The following CHRNA3 variants were observed in gnomAD, a reference collection of about 807,000 sequenced individuals.
CHRNA3 encodes neuronal acetylcholine receptor subunit alpha-3.
Under a neutral mutation model 41.9 loss-of-function variants are expected in CHRNA3, and 34 were observed. The ratio of observed to expected loss-of-function variants is 0.81; its 90% confidence interval spans 0.62 to 1.08. The LOEUF is 1.08. CHRNA3 is among the 50% of genes least tolerant of loss of function. CHRNA3 has a pLI of 0.00. For synonymous variants in CHRNA3, 281 were observed against 265.2 expected, an observed-to-expected ratio of 1.06 and a Z score of -0.58; for missense variants, 542 against 638.3, an observed-to-expected ratio of 0.85 and a Z score of 1.63.
chr15:78,620,519 T>A (rs1596087183), intron 1 of CHRNA3, among the ~76,000 whole-genome samples, 194 bp downstream of exon 1: 1 of 151,864 alleles, frequency 6.6e-6, no homozygotes, highest in African/African-American at 2.4e-5. Flanking sequence ...GGGTGGGAGG[T>A]GAGCCGAAAG....
At chr15:78,614,003 T>C (rs921433715) in intron 4 of CHRNA3, among the ~76,000 whole-genome samples, 5 of 151,962 alleles carry the variant, frequency 3.3e-5, no homozygotes, top group Non-Finnish European at 7.4e-5. Context: ...CCTGAGCAAT[T>C]GAAGTTCTAA....
intron 4 of CHRNA3, among the ~76,000 whole-genome samples, chr15:78,608,196 G>C (rs2053327206): frequency 6.6e-6 from 1 of 152,358 alleles, no homozygotes; most frequent in East Asian, 1.9e-4. Flanking sequence ...TTCCCTGTCT[G>C]ACAGCTTTGA....
chr15:78,606,960 G>A (rs1219970158), intron 4 of CHRNA3, among the ~76,000 whole-genome samples: 1 of 152,088 alleles, frequency 6.6e-6, no homozygotes, highest in Non-Finnish European at 1.5e-5. Context: ...GGGTGTGATG[G>A]CTCACACCTG....
At chr15:78,609,255 C>T (rs1281659466) in intron 4 of CHRNA3, among the ~76,000 whole-genome samples, 1 of 152,148 alleles carries the variant, frequency 6.6e-6, no homozygotes, top group African/African-American at 2.4e-5. Context: ...TCGAGAAGAG[C>T]AACTCCAAGA....
At position 78,601,397 on chromosome 15, in the gene CHRNA3, G is replaced by A; in HGVS notation, c.1245C>T (p.Phe415=). 6.2e-7 allele frequency: 1 copy of A among 1,614,206 alleles called. No homozygotes were observed. Among genetic ancestry groups the A allele is most frequent in the African/African-American group, 1.3e-5 (1 of 75,052 alleles). ...TAGAGCTTCTCGTGAGGTTAGCACT[G>A]AAATTGGAGATTTTTATCCTGCGGT... The part of the protein sequence containing the change: ...CHHRRIKISN[F]SANLTRSSSS... Residue 415 remains phenylalanine, a synonymous_variant, in exon 5 of 6, where the codon TTC becomes TTT. Transcript: ENST00000326828.
intron 4 of CHRNA3, among the ~76,000 whole-genome samples, chr15:78,616,035 C>G (rs1005110187): frequency 1.3e-5 from 2 of 149,568 alleles, no homozygotes; most frequent in Non-Finnish European, 3.0e-5. Flanking sequence ...AGCCACCATG[C>G]CTGGCCAAAC....
chr15:78,609,249 G>A (rs1246210870), intron 4 of CHRNA3, among the ~76,000 whole-genome samples: 1 of 152,100 alleles, frequency 6.6e-6, no homozygotes, highest in Non-Finnish European at 1.5e-5. Context: ...TACTCCTCGA[G>A]AAGAGCAACT....
intron 4 of CHRNA3, among the ~76,000 whole-genome samples, chr15:78,605,398 C>T (rs763720641): frequency 8.5e-5 from 13 of 152,088 alleles, no homozygotes; most frequent in Non-Finnish European, 1.6e-4. Context: ...GACCCACATG[C>T]GATTAGCTGC....
At chr15:78,595,278 T>C, downstream of CHRNA3, 2 of 984,812 alleles carry the variant, frequency 2.0e-6, no homozygotes, top group Non-Finnish European at 2.4e-6. Flanking sequence ...CATCTTTCTT[T>C]TGACTTATTG....
At chr15:78,596,865 T>C (rs1416472652) in intron 5 of CHRNA3, 133 bp from the exon 6 acceptor site, 3 of 1,307,430 alleles carry the variant, frequency 2.3e-6, no homozygotes, top group Non-Finnish European at 2.0e-6. Flanking sequence ...GCCCTTTTTT[T>C]CCTAATTGAT....
chr15:78,614,299 C>T (rs1237342228), intron 4 of CHRNA3, among the ~76,000 whole-genome samples: 2 of 152,158 alleles, frequency 1.3e-5, no homozygotes, highest in African/African-American at 4.8e-5. Context: ...CTGCCCAGTT[C>T]CCTTAAGAGC....
chr15:78,618,527 AGC>A lies in CHRNA3; in HGVS notation c.267+88_267+89del, dbSNP rs1013573002. The A allele has an allele frequency of 2.7e-6, 4 of 1,471,978 alleles. No homozygotes were observed. The African/African-American group carries it at 5.6e-5, about 20-fold the overall frequency. 91.2% of individuals were successfully genotyped at this position (1,471,978 alleles called of 1,614,324 possible). Reference sequence around the variant, plus strand: ...ATCTGGGTTCCACAGAAGTAAATGAAGCCTGGTCTTTAGGCCTTTCTTGGTTC... The same window carrying A: ...ATCTGGGTTCCACAGAAGTAAATGAACTGGTCTTTAGGCCTTTCTTGGTTC... On this transcript the variant is annotated intron_variant, in intron 3 of 5. Coordinates refer to ENST00000326828, the MANE Select transcript of CHRNA3 (RefSeq NM_000743.5).
chr15:78,593,247 TAAGTG>T (rs2053041060), downstream of CHRNA3: 2 of 1,609,536 alleles, frequency 1.2e-6, no homozygotes, highest in African/African-American at 1.3e-5. Context: ...GAAATGCAAA[TAAGTG>T]AAGCCTCCCA....
intron 4 of CHRNA3, among the ~76,000 whole-genome samples, chr15:78,616,562 G>A (rs2053465655): frequency 6.6e-6 from 1 of 152,014 alleles, no homozygotes; most frequent in Non-Finnish European, 1.5e-5. Flanking sequence ...AGGTGCCCCG[G>A]GCATCTGAGC....
intron 4 of CHRNA3, among the ~76,000 whole-genome samples, chr15:78,603,185 T>C (rs1457244959): frequency 1.3e-5 from 2 of 152,218 alleles, no homozygotes; most frequent in Non-Finnish European, 2.9e-5. Context: ...CAGCTACTTT[T>C]TCTATTTTTA....
chr15:78,593,428 G>A (rs201284306), downstream of CHRNA3: 90 of 534,946 alleles, frequency 1.7e-4, no homozygotes, highest in Middle Eastern at 5.0e-4. Context: ...CTGTATGACT[G>A]AAGTAATAAC....
At chr15:78,620,368 T>A in intron 1 of CHRNA3, 2 of 261,106 alleles carry the variant, frequency 7.7e-6, no homozygotes, top group Non-Finnish European at 1.5e-5. Context: ...TGGGAGCCAG[T>A]GCGCGGGGCA....
chr15:78,603,326 T>C (rs565730636), intron 4 of CHRNA3, among the ~76,000 whole-genome samples: 2 of 152,282 alleles, frequency 1.3e-5, no homozygotes, highest in Admixed American at 1.3e-4. Context: ...GACATGTACG[T>C]TTTTCTAGGA....
chr15:78,596,410 G>A lies in CHRNA3; in HGVS notation c.*194C>T. 1 of 1,254,572 alleles carries A rather than the reference G, an allele frequency of 8.0e-7. No homozygotes were observed. The highest frequency in any genetic ancestry group is 1.0e-6 in the Non-Finnish European group (1 of 1,000,194). The allele number at this position is 1,254,572 out of a possible 1,614,324, so 77.7% of individuals were successfully genotyped here. A position where few individuals can be genotyped will look rare whatever the true frequency, so the allele number is the denominator to read the frequency against. ...ACCATACCAAAAAGGCTAGTTAAAT[G>A]TTCATTTATCGGTAATAAATACTCT... On this transcript the variant is annotated 3_prime_UTR_variant, in exon 6 of 6. Transcript: ENST00000326828.
Sources: allele counts gnomAD v4.1 joint callset (sites outside exome capture counted in the v4.1 genomes callset), GRCh38; gene constraint gnomAD v4.1.1; transcripts MANE v1.5; gene names NCBI Gene and HGNC (gene_info 2026-07-23, HGNC 2026-07-21).